CPQ: variants seen among roughly 807,000 people sequenced by gnomAD.
CPQ encodes carboxypeptidase Q, also known as Ser-Met dipeptidase.
Under a neutral mutation model 45.7 loss-of-function variants are expected in CPQ, and 37 were observed. The observed-to-expected ratio is 0.81, with a 90% CI of 0.62 to 1.07. CPQ has a LOEUF of 1.07. CPQ is among the 50% of genes least tolerant of loss of function. CPQ has a pLI of 0.00. For missense variants in CPQ, 537 were observed against 572.9 expected (o/e 0.94, Z 0.64); for synonymous variants, 186 against 205.8 (o/e 0.90, Z 0.82).
At chr8:97,139,745 G>T (rs1324624381) in intron 7 of CPQ, among the ~76,000 whole-genome samples, 1 of 152,018 alleles carries the variant, frequency 6.6e-6, no homozygotes. Flanking sequence ...CAGTATTGAG[G>T]GAAGATTATA....
chr8:97,111,300 G>A (rs1010878471), intron 7 of CPQ, among the ~76,000 whole-genome samples: 4 of 152,106 alleles, frequency 2.6e-5, no homozygotes, highest in Admixed American at 6.5e-5. Context: ...ATGCCAGTAC[G>A]TCTATGAAGG....
intron 1 of CPQ, among the ~76,000 whole-genome samples, chr8:96,773,620 A>G (rs1482448661): frequency 1.3e-5 from 2 of 152,224 alleles, no homozygotes; most frequent in African/African-American, 2.4e-5. Context: ...TTTGAAGACT[A>G]GAAAAGTATT....
chr8:96,931,000 A>T (rs1812967309), intron 4 of CPQ, among the ~76,000 whole-genome samples: 1 of 152,134 alleles, frequency 6.6e-6, no homozygotes, highest in Non-Finnish European at 1.5e-5. Context: ...TTGGGAGGAA[A>T]CTCAAGAGTG....
chr8:96,776,143 C>G (rs1309989311), intron 1 of CPQ, among the ~76,000 whole-genome samples: 1 of 152,064 alleles, frequency 6.6e-6, no homozygotes, highest in Non-Finnish European at 1.5e-5. Flanking sequence ...GAAATGGAAA[C>G]CCAGTATTAT....
intron 7 of CPQ, among the ~76,000 whole-genome samples, chr8:97,084,757 T>C (rs1328843827): frequency 6.6e-6 from 1 of 152,126 alleles, no homozygotes; most frequent in Non-Finnish European, 1.5e-5. Flanking sequence ...TTATGTGCCT[T>C]GTAAAGGAGC....
intron 7 of CPQ, among the ~76,000 whole-genome samples, chr8:97,123,256 T>C (rs1234034433): frequency 7.5e-6 from 1 of 134,204 alleles, no homozygotes; most frequent in African/African-American, 2.7e-5. Context: ...AAAATAAAAA[T>C]AAAATAAAAT....
intron 3 of CPQ, among the ~76,000 whole-genome samples, chr8:96,875,835 AAAG>A (rs1407426216): frequency 2.0e-5 from 3 of 151,970 alleles, no homozygotes; most frequent in Non-Finnish European, 2.9e-5. Context: ...TTTTTTAAAA[AAAG>A]CAGCTGGAAT....
chr8:96,795,816 A>G (rs1317039095), intron 2 of CPQ, among the ~76,000 whole-genome samples: 1 of 152,124 alleles, frequency 6.6e-6, no homozygotes, highest in Admixed American at 6.5e-5. Flanking sequence ...TAAATGACAT[A>G]TAAAGGAGGA....
chr8:96,839,791 GA>G (rs1298537951), intron 3 of CPQ, among the ~76,000 whole-genome samples: 1 of 152,130 alleles, frequency 6.6e-6, no homozygotes, highest in East Asian at 1.9e-4. Flanking sequence ...ATGATTGGGG[GA>G]AAGGGATAAA....
chr8:97,090,468 G>C (rs1372171841), intron 7 of CPQ, among the ~76,000 whole-genome samples: 1 of 152,070 alleles, frequency 6.6e-6, no homozygotes, highest in African/African-American at 2.4e-5. Context: ...CTTCCTCACA[G>C]ACTTTCCCCA....
chr8:96,703,124 A>G (rs879188760), intron 1 of CPQ, among the ~76,000 whole-genome samples: 11 of 152,332 alleles, frequency 7.2e-5, no homozygotes, highest in Admixed American at 3.3e-4. Flanking sequence ...AGAGGCTCAC[A>G]AGAACCTAAC....
At chr8:96,754,111 T>C (rs547132694) in intron 1 of CPQ, among the ~76,000 whole-genome samples, 1 of 152,188 alleles carries the variant, frequency 6.6e-6, no homozygotes, top group East Asian at 1.9e-4. Flanking sequence ...TTGACTTAAT[T>C]TTCCAGATTT....
chr8:97,098,602 T>C (rs1401209365), intron 7 of CPQ, among the ~76,000 whole-genome samples: 1 of 152,102 alleles, frequency 6.6e-6, no homozygotes, highest in African/African-American at 2.4e-5. Flanking sequence ...AGGTCCTCTT[T>C]AGATTATGTC....
At chr8:96,940,950 C>G (rs115768987) in intron 4 of CPQ, among the ~76,000 whole-genome samples, 2,465 of 152,260 alleles carry the variant, frequency 0.016, 62 homozygotes, top group African/African-American at 0.056. Flanking sequence ...TTCCCCAAAT[C>G]TTGGGAACTG....
chr8:96,669,189 G>T (rs1808969553), intron 1 of CPQ, among the ~76,000 whole-genome samples: 1 of 152,210 alleles, frequency 6.6e-6, no homozygotes, highest in Non-Finnish European at 1.5e-5. Flanking sequence ...TGTCAGCGGG[G>T]ATCTTGGACT....
At chr8:96,722,898 T>G (rs937539619) in intron 1 of CPQ, among the ~76,000 whole-genome samples, 6 of 152,196 alleles carry the variant, frequency 3.9e-5, no homozygotes, top group African/African-American at 1.4e-4. Context: ...ACATAGAGCT[T>G]CTTCTCATAG....
At chr8:97,025,460 T>TATAGGAGAACCGACTGCCTCTC (rs1303437648) in intron 5 of CPQ, among the ~76,000 whole-genome samples, 7 of 152,170 alleles carry the variant, frequency 4.6e-5, no homozygotes, top group Admixed American at 2.6e-4. Context: ...TCTATATATT[T>TATAGGAGAACCGACTGCCTCTC]ATAGGAGAAC....
chr8:96,932,515 T>C (rs1369279736), intron 4 of CPQ, among the ~76,000 whole-genome samples: 1 of 152,210 alleles, frequency 6.6e-6, no homozygotes, highest in Non-Finnish European at 1.5e-5. Context: ...CTAGAGTTCG[T>C]TAAATGGTAT....
intron 5 of CPQ, among the ~76,000 whole-genome samples, chr8:97,014,607 A>G (rs2130444785): frequency 6.6e-6 from 1 of 150,918 alleles, no homozygotes. Context: ...GCGCCACTGT[A>G]CACCAACCTG....
Sources: gnomAD v4.1 joint callset for allele counts (sites outside exome capture counted in the v4.1 genomes callset) on GRCh38, gnomAD v4.1.1 for gene constraint, MANE v1.5 for transcripts, NCBI Gene and HGNC (gene_info 2026-07-23, HGNC 2026-07-21) for gene names.